Variants in GALNT11 observed in about 807,000 individuals in gnomAD.
The protein encoded by GALNT11 is UDP-GalNAc:polypeptide N-acetylgalactosaminyltransferase 11.
GALNT11 carries 47 observed loss-of-function variants against 72.7 expected under a neutral mutation model. The observed-to-expected ratio is 0.65, with a 90% confidence interval of 0.51 to 0.82. The LOEUF is 0.82. Ranked by LOEUF, GALNT11 falls within the 40% of genes least tolerant of loss-of-function variation. GALNT11 has a pLI of 0.00. For missense variants in GALNT11, 677 were observed against 778.4 expected (o/e 0.87, Z 1.55); for synonymous variants, 270 against 286.6 (o/e 0.94, Z 0.58).
At chr7:152,084,935 A>ATT (rs201716856) in intron 1 of GALNT11, among the ~76,000 whole-genome samples, 13,414 of 152,000 alleles carry the variant, frequency 0.088, 2,012 homozygotes, top group African/African-American at 0.31. Flanking sequence ...TTCTGCTGTC[A>ATT]ATGTCCCCCT....
At chr7:152,027,109 C>T (rs372489664) in intron 1 of GALNT11, among the ~76,000 whole-genome samples, 66 of 151,984 alleles carry the variant, frequency 4.3e-4, no homozygotes, top group African/African-American at 1.4e-3. Context: ...ATAAGCCGGG[C>T]GTGGTGGCAG....
intron 1 of GALNT11, among the ~76,000 whole-genome samples, chr7:152,031,418 C>T (rs1259810054): frequency 2.0e-5 from 3 of 152,158 alleles, no homozygotes; most frequent in Non-Finnish European, 2.9e-5. Context: ...TTTGAAGCAC[C>T]GGTCCCTCAA....
At chr7:152,068,927 C>T (rs747480581) in intron 1 of GALNT11, among the ~76,000 whole-genome samples, 3 of 151,830 alleles carry the variant, frequency 2.0e-5, no homozygotes, top group Non-Finnish European at 2.9e-5. Context: ...GGGCTGACTT[C>T]GTAATAAGAT....
intron 4 of GALNT11, chr7:152,104,501 C>T (rs2087313056): frequency 1.3e-5 from 2 of 151,944 alleles, no homozygotes; most frequent in Non-Finnish European, 2.9e-5. Context: ...GTCTGGACCA[C>T]GTAGAAGATT....
At chr7:152,055,664 A>T (rs1433619585) in intron 1 of GALNT11, among the ~76,000 whole-genome samples, 1 of 151,790 alleles carries the variant, frequency 6.6e-6, no homozygotes, top group African/African-American at 2.4e-5. Context: ...CAAAAACTAG[A>T]ATTGGTGCTT....
At chr7:152,114,870 C>T (rs1050848692) in intron 8 of GALNT11, among the ~76,000 whole-genome samples, 1 of 152,188 alleles carries the variant, frequency 6.6e-6, no homozygotes, top group African/African-American at 2.4e-5. Context: ...ATTTGTTGTG[C>T]ACCTCCTGTA....
Sources: gnomAD v4.1 joint callset for allele counts (sites outside exome capture counted in the v4.1 genomes callset) on GRCh38, gnomAD v4.1.1 for gene constraint, MANE v1.5 for transcripts, NCBI Gene and HGNC (gene_info 2026-07-23, HGNC 2026-07-21) for gene names.